The following DMD variants were observed in gnomAD, a reference collection of about 807,000 sequenced individuals.
DMD encodes the protein dystrophin.
A neutral mutation model predicts 330.1 loss-of-function variants in DMD; 63 were observed. The observed-to-expected ratio is 0.19, with a 90% confidence interval of 0.16 to 0.24. DMD has a LOEUF of 0.24. Ranked by LOEUF, DMD falls within the 10% of genes least tolerant of loss-of-function variation. The pLI is 1.00. For synonymous variants in DMD, 1,223 were observed against 959.8 expected (o/e 1.27, Z -5.07); for missense variants, 3,344 against 2,684.1 (o/e 1.25, Z -5.43).
chrX:32,152,999 T>C (rs1251597844), intron 44 of DMD, among the ~76,000 whole-genome samples: 1 of 112,077 alleles, frequency 8.9e-6, no homozygotes, highest in Non-Finnish European at 1.9e-5. Flanking sequence ...ATATATGTGT[T>C]AAATTGAATC....
chrX:32,212,323 G>A (rs6418638), intron 44 of DMD, among the ~76,000 whole-genome samples: 26,372 of 110,582 alleles, frequency 0.24, 2,464 homozygotes, highest in East Asian at 0.44. Flanking sequence ...GTTTAGAGAC[G>A]ATAATTCAGT....
intron 9 of DMD, among the ~76,000 whole-genome samples, chrX:32,653,519 C>T (rs190857219): frequency 9.0e-6 from 1 of 111,670 alleles, no homozygotes; most frequent in Admixed American, 9.5e-5. Flanking sequence ...TGGTCTATAT[C>T]TCTATTCTGA....
intron 49 of DMD, among the ~76,000 whole-genome samples, chrX:31,823,220 G>A (rs1179630063): frequency 2.7e-5 from 3 of 112,443 alleles, no homozygotes; most frequent in Non-Finnish European, 5.6e-5. Flanking sequence ...TCCTTTGTTC[G>A]AGTGTTCAAT....
chrX:31,732,810 C>T (rs1364803205), intron 51 of DMD, among the ~76,000 whole-genome samples: 1 of 111,555 alleles, frequency 9.0e-6, no homozygotes, highest in African/African-American at 3.3e-5. Context: ...TTTTCTGTTT[C>T]CTCAACCTAG....
chrX:32,224,485 C>T (rs956232944), intron 43 of DMD, among the ~76,000 whole-genome samples: 16 of 111,379 alleles, frequency 1.4e-4, no homozygotes, highest in African/African-American at 4.2e-4. Context: ...GCATGAACAG[C>T]AGAAAAATAA....
chrX:33,115,750 C>T (rs985387043), intron 1 of DMD, among the ~76,000 whole-genome samples: 2 of 109,681 alleles, frequency 1.8e-5, no homozygotes, highest in African/African-American at 6.6e-5. Flanking sequence ...CTCCTGACCT[C>T]GTGATCCGCC....
intron 57 of DMD, among the ~76,000 whole-genome samples, chrX:31,489,696 G>C (rs2069106677): frequency 8.9e-6 from 1 of 111,733 alleles, no homozygotes; most frequent in Non-Finnish European, 1.9e-5. Context: ...ATAAATTCTA[G>C]GAATCTGAGT....
At chrX:33,051,156 T>C (rs779007057) in intron 1 of DMD, among the ~76,000 whole-genome samples, 2 of 110,720 alleles carry the variant, frequency 1.8e-5, no homozygotes, top group South Asian at 3.7e-4. Flanking sequence ...TAAAACTAGA[T>C]AACACACACT....
At chrX:31,359,872 C>A (rs1028439924) in intron 60 of DMD, among the ~76,000 whole-genome samples, 1 of 111,712 alleles carries the variant, frequency 9.0e-6, no homozygotes, top group Non-Finnish European at 1.9e-5. Flanking sequence ...TTCTGGCACT[C>A]GGTATGTACT....
chrX:33,305,076 C>G (rs2053734897), intron 1 of DMD, among the ~76,000 whole-genome samples: 1 of 109,868 alleles, frequency 9.1e-6, no homozygotes, highest in Admixed American at 9.8e-5. Context: ...GGTATATACC[C>G]AAAGGACTAT....
intron 11 of DMD, among the ~76,000 whole-genome samples, chrX:32,637,474 C>A (rs2059177153): frequency 8.9e-6 from 1 of 111,926 alleles, no homozygotes; most frequent in South Asian, 3.7e-4. Context: ...CTGGCTGTTA[C>A]CCAGTTCCAA....
chrX:32,595,917 C>T, intron 12 of DMD, 41 bp from the exon 13 acceptor site: 1 of 1,079,806 alleles, frequency 9.3e-7, no homozygotes, highest in Non-Finnish European at 1.3e-6. Context: ...AAATGATATT[C>T]TTACATGTGT....
chrX:32,526,295 C>A (rs2046931665), intron 17 of DMD, among the ~76,000 whole-genome samples: 1 of 111,746 alleles, frequency 8.9e-6, no homozygotes, highest in African/African-American at 3.2e-5. Flanking sequence ...TATCTTAAAA[C>A]CTCAATTTGT....
intron 11 of DMD, among the ~76,000 whole-genome samples, chrX:32,617,817 A>C (rs767016857): frequency 1.8e-5 from 2 of 111,638 alleles, no homozygotes; most frequent in African/African-American, 6.5e-5. Flanking sequence ...ATATTTGCAA[A>C]CTATATATCT....
intron 52 of DMD, among the ~76,000 whole-genome samples, chrX:31,714,541 TCAATA>T (rs1371515918): frequency 8.9e-6 from 1 of 111,827 alleles, no homozygotes; most frequent in Non-Finnish European, 1.9e-5. Context: ...AACTTTATAT[TCAATA>T]CTTTTTTGTC....
At chrX:33,187,755 T>C (rs1222036449) in intron 1 of DMD, among the ~76,000 whole-genome samples, 8 of 111,727 alleles carry the variant, frequency 7.2e-5, no homozygotes, top group Admixed American at 5.7e-4. Context: ...ATACTGTTTG[T>C]TGTTGTTGTT....
intron 44 of DMD, among the ~76,000 whole-genome samples, chrX:32,051,558 T>C (rs1483255244): frequency 9.1e-6 from 1 of 109,505 alleles, no homozygotes; most frequent in Non-Finnish European, 1.9e-5. Context: ...TCTTGGCAAA[T>C]AGTAGACACA....
At chrX:32,543,109 C>A in intron 17 of DMD, among the ~76,000 whole-genome samples, 1 of 111,813 alleles carries the variant, frequency 8.9e-6, no homozygotes, top group Admixed American at 9.5e-5. Flanking sequence ...GGGAAAAATA[C>A]ATGCGATGCC....
chrX:32,769,059 A>G (rs1293002159), intron 7 of DMD, among the ~76,000 whole-genome samples: 1 of 112,070 alleles, frequency 8.9e-6, no homozygotes, highest in South Asian at 3.7e-4. Context: ...AAAAACAAAA[A>G]AACAAAAAAC....
Sources: allele counts gnomAD v4.1 joint callset (sites outside exome capture counted in the v4.1 genomes callset), GRCh38; gene constraint gnomAD v4.1.1; transcripts MANE v1.5; gene names NCBI Gene and HGNC (gene_info 2026-07-23, HGNC 2026-07-21).